WWOX: variants seen among roughly 807,000 people sequenced by gnomAD.
WWOX encodes the protein WW domain containing oxidoreductase.
Under a neutral mutation model 46.2 loss-of-function variants are expected in WWOX, and 69 were observed. That is an observed-to-expected ratio of 1.49 (90% CI 1.23 to 1.82). The LOEUF is 1.82. Ranked by LOEUF, WWOX falls within the 40% of genes most tolerant of loss-of-function variation. WWOX has a pLI of 0.00. For synonymous variants in WWOX, 359 were observed against 202.6 expected (o/e 1.77, Z -6.56); for missense variants, 919 against 542.6 (o/e 1.69, Z -6.89).
intron 8 of WWOX, among the ~76,000 whole-genome samples, chr16:79,189,660 G>T (rs2150804620): frequency 6.6e-6 from 1 of 152,158 alleles, no homozygotes; most frequent in South Asian, 2.1e-4. Context: ...AATCTAAGGG[G>T]TTTGAGGTTA....
intron 2 of WWOX, among the ~76,000 whole-genome samples, chr16:78,109,445 G>A (rs868548827): frequency 2.6e-5 from 4 of 152,188 alleles, no homozygotes; most frequent in Non-Finnish European, 5.9e-5. Flanking sequence ...TATGAATGAC[G>A]TTGGGTGCCT....
Position 78,240,596 on chromosome 16 carries a change from C to T in WWOX, c.516+76307C>T, listed in dbSNP as rs1170506729. ...CGCTAGGGCAGCCCTAGCACACTGCCACATCTGGTTTCCCGGAGGAACTTC... is the reference window on the plus strand; with the variant it reads ...CGCTAGGGCAGCCCTAGCACACTGCTACATCTGGTTTCCCGGAGGAACTTC... On this transcript the variant is annotated intron_variant, in intron 5 of 8. Transcript: ENST00000566780. Among the ~76,000 whole-genome samples, 28 of 152,152 alleles carry T rather than the reference C, an allele frequency of 1.8e-4. 1 individual carries two copies. The highest frequency in any genetic ancestry group is 1.8e-3 in the Admixed American group (28 of 15,282).
chr16:78,860,742 G>C (rs2052697153), intron 8 of WWOX, among the ~76,000 whole-genome samples: 1 of 152,224 alleles, frequency 6.6e-6, no homozygotes, highest in Non-Finnish European at 1.5e-5. Flanking sequence ...AAAATGTGTG[G>C]ATGTTCTTGA....
rs1447156557 is a variant in WWOX, at chr16:78,238,953, G to A, written c.516+74664G>A. Among the ~76,000 whole-genome samples the A allele has an allele frequency of 2.6e-5, 4 of 151,680 alleles. 1 individual carries two copies. The highest frequency in any genetic ancestry group is 1.5e-5 in the Non-Finnish European group (1 of 67,880). ...GGAATTAGGAATACTGAAGGCATCG[G>A]CCCCCAAGGGTTTGATGTGCTCTTG... On this transcript the variant is annotated intron_variant, in intron 5 of 8. Coordinates refer to ENST00000566780, the MANE Select transcript of WWOX (RefSeq NM_016373.4).
chr16:78,931,572 G>T (rs1040806035), intron 8 of WWOX, among the ~76,000 whole-genome samples: 1 of 152,208 alleles, frequency 6.6e-6, no homozygotes, highest in African/African-American at 2.4e-5. Context: ...CATGATCCTT[G>T]ACCTTGAGAA....
chr16:78,603,587 A>C (rs2045675656), intron 8 of WWOX, among the ~76,000 whole-genome samples: 1 of 152,130 alleles, frequency 6.6e-6, no homozygotes, highest in Admixed American at 6.5e-5. Context: ...CCAGCTACTC[A>C]GGAGACTGAG....
At chr16:78,982,375 G>C (rs900549255) in intron 8 of WWOX, among the ~76,000 whole-genome samples, 1 of 152,144 alleles carries the variant, frequency 6.6e-6, no homozygotes, top group Non-Finnish European at 1.5e-5. Flanking sequence ...ATAGTACAGC[G>C]TGCCATTGCC....
chr16:78,935,536 A>T lies in WWOX; in HGVS notation c.1057-276072A>T, dbSNP rs186356584. Among the ~76,000 whole-genome samples the T allele has an allele frequency of 4.8e-3, 708 of 148,660 alleles. 9 individuals carry two copies. Among genetic ancestry groups the T allele is most frequent in the African/African-American group, 0.017 (678 of 39,788 alleles). On this transcript the variant is annotated intron_variant, in intron 8 of 8. Coordinates refer to ENST00000566780, the MANE Select transcript of WWOX (RefSeq NM_016373.4). ...AAACCAAACACTGCATGTTCTCACTAATAGGTGGGAATTGAACAATGAGAA... is the reference window on the plus strand; with the variant it reads ...AAACCAAACACTGCATGTTCTCACTTATAGGTGGGAATTGAACAATGAGAA...
chr16:78,530,065 C>A (rs2043584102), intron 8 of WWOX, among the ~76,000 whole-genome samples: 1 of 152,096 alleles, frequency 6.6e-6, no homozygotes, highest in Non-Finnish European at 1.5e-5. Context: ...TGCACTCCAC[C>A]CCTTCTGGGA....
intron 8 of WWOX, among the ~76,000 whole-genome samples, chr16:79,140,802 A>T (rs1380673653): frequency 1.3e-5 from 2 of 152,116 alleles, no homozygotes; most frequent in South Asian, 2.1e-4. Context: ...GCTGACGTTT[A>T]TACTTCTGAG....
chr16:79,045,895 G>T (rs551872910), intron 8 of WWOX, among the ~76,000 whole-genome samples: 1 of 135,760 alleles, frequency 7.4e-6, no homozygotes, highest in Non-Finnish European at 1.5e-5. Context: ...TCTGCCTCCC[G>T]GGTTCAAGTG....
At chr16:78,678,309 A>G (rs1559291) in intron 8 of WWOX, among the ~76,000 whole-genome samples, 132,092 of 152,236 alleles carry the variant, frequency 0.87, 57,445 homozygotes, top group African/African-American at 0.92. Context: ...CCAGGAGGTC[A>G]AGGCTGCAGT....
chr16:78,380,330 C>A (rs558610246), intron 5 of WWOX, among the ~76,000 whole-genome samples: 2 of 152,300 alleles, frequency 1.3e-5, no homozygotes, highest in Admixed American at 1.3e-4. Flanking sequence ...CAGTTATTAT[C>A]TTGATGCGGC....
In WWOX at chr16:78,410,213, G is replaced by A. The variant is rs115939385; in HGVS notation, c.606-14657G>A. ...AGGCCTCACCGGAAGCCAAGCACATGCTTCTTGTAGAGTCTGCAGAATCGG... is the reference window on the plus strand; with the variant it reads ...AGGCCTCACCGGAAGCCAAGCACATACTTCTTGTAGAGTCTGCAGAATCGG... On this transcript the variant is annotated intron_variant, in intron 6 of 8. Transcript: ENST00000566780. Among the ~76,000 whole-genome samples, 1,022 of 152,260 alleles carry A rather than the reference G, an allele frequency of 6.7e-3. 10 individuals carry two copies. The highest frequency in any genetic ancestry group is 0.024 in the African/African-American group (986 of 41,526).
intron 8 of WWOX, among the ~76,000 whole-genome samples, chr16:78,846,589 A>C (rs905109462): frequency 6.6e-6 from 1 of 152,142 alleles, no homozygotes; most frequent in Non-Finnish European, 1.5e-5. Flanking sequence ...TCGGCCATCA[A>C]GTCAGAGGAT....
intron 4 of WWOX, among the ~76,000 whole-genome samples, chr16:78,139,761 A>T (rs533284506): frequency 1.3e-5 from 2 of 152,222 alleles, no homozygotes; most frequent in African/African-American, 4.8e-5. Flanking sequence ...AGACATATTT[A>T]TGCATAATTT....
At chr16:78,372,934 T>C in intron 5 of WWOX, among the ~76,000 whole-genome samples, 1 of 152,214 alleles carries the variant, frequency 6.6e-6, no homozygotes, top group Non-Finnish European at 1.5e-5. Flanking sequence ...ATCATTAATC[T>C]GATATATGCT....
intron 8 of WWOX, among the ~76,000 whole-genome samples, chr16:78,757,929 T>G (rs1383919411): frequency 1.3e-5 from 2 of 151,956 alleles, no homozygotes; most frequent in Non-Finnish European, 2.9e-5. Flanking sequence ...CCTTGGAGAT[T>G]AGGGTTTCCA....
chr16:78,684,503 C>A (rs963070099), intron 8 of WWOX, among the ~76,000 whole-genome samples: 1 of 152,158 alleles, frequency 6.6e-6, no homozygotes, highest in Admixed American at 6.5e-5. Context: ...TTTGCAGTTC[C>A]CTCAGATTTA....
Sources: allele counts gnomAD v4.1 joint callset (sites outside exome capture counted in the v4.1 genomes callset), GRCh38; gene constraint gnomAD v4.1.1; transcripts MANE v1.5; gene names NCBI Gene and HGNC (gene_info 2026-07-23, HGNC 2026-07-21).